The following VPS41 variants were observed in gnomAD, a reference collection of about 807,000 sequenced individuals.
VPS41 encodes the protein VPS41 subunit of HOPS complex, also known as vacuolar protein sorting-associated protein 41 homolog.
Under a neutral mutation model 130.9 loss-of-function variants are expected in VPS41, and 85 were observed. The observed-to-expected ratio is 0.65, with a 90% confidence interval of 0.55 to 0.78. The LOEUF (loss-of-function observed/expected upper bound fraction) is 0.78. VPS41 is among the 30% of genes least tolerant of loss of function. The probability of loss-of-function intolerance (pLI) is 0.00; values close to 1 mark genes in which losing one functional copy is unlikely to be tolerated. For missense variants in VPS41, 874 were observed against 1,018.7 expected, an observed-to-expected ratio of 0.86 and a Z score of 1.93; for synonymous variants, 335 against 332.9, an observed-to-expected ratio of 1.01 and a Z score of -0.07.
intron 25 of VPS41, among the ~76,000 whole-genome samples, chr7:38,737,053 G>C (rs1017428720): frequency 2.0e-5 from 3 of 152,104 alleles, no homozygotes; most frequent in African/African-American, 7.2e-5. Flanking sequence ...TTGGTAGCTG[G>C]GGAGAGAATT....
intron 27 of VPS41, chr7:38,728,226 T>A (rs892992278): frequency 1.1e-5 from 6 of 526,980 alleles, no homozygotes; most frequent in African/African-American, 1.9e-5. Flanking sequence ...TGGGAACTTG[T>A]TAGAAATATA....
Position 38,882,295 on chromosome 7 carries a change from G to A in VPS41, c.61-13042C>T, listed in dbSNP as rs117670878. 1.2e-3 allele frequency among the ~76,000 whole-genome samples: 177 copies of A among 152,186 alleles called. 1 individual carries two copies. In the East Asian group the frequency reaches 0.03, roughly 26 times the overall value. ...GACGGGATCCTCCCTTGGTTTCTGGGGCACCACTCTCTCCTGGTTCTTTTC... is the reference window on the plus strand; with the variant it reads ...GACGGGATCCTCCCTTGGTTTCTGGAGCACCACTCTCTCCTGGTTCTTTTC... On this transcript the variant is annotated intron_variant, in intron 2 of 28. Transcript: ENST00000310301.
At chr7:38,797,568 T>G (rs942494609) in intron 7 of VPS41, among the ~76,000 whole-genome samples, 4 of 152,262 alleles carry the variant, frequency 2.6e-5, no homozygotes, top group African/African-American at 9.6e-5. Context: ...TCTTGACATA[T>G]TCCATTTAAA....
chr7:38,863,101 G>A (rs541164630), intron 3 of VPS41, among the ~76,000 whole-genome samples: 4 of 152,168 alleles, frequency 2.6e-5, no homozygotes, highest in Admixed American at 1.3e-4. Flanking sequence ...TTGAGAGACC[G>A]AAAATCTCAG....
chr7:38,819,296 C>CAAGAT (rs1785120069), intron 6 of VPS41, among the ~76,000 whole-genome samples: 1 of 152,224 alleles, frequency 6.6e-6, no homozygotes, highest in Admixed American at 6.5e-5. Context: ...ATTATCTTCC[C>CAAGAT]TACCTAAGCT....
At chr7:38,831,996 G>T (rs1785395237) in intron 4 of VPS41, among the ~76,000 whole-genome samples, 1 of 151,548 alleles carries the variant, frequency 6.6e-6, no homozygotes. Flanking sequence ...CAATAGAAGG[G>T]TTTTTTTTCA....
At chr7:38,792,909 C>T (rs1323938389) in intron 9 of VPS41, among the ~76,000 whole-genome samples, 3 of 152,110 alleles carry the variant, frequency 2.0e-5, no homozygotes, top group Non-Finnish European at 4.4e-5. Flanking sequence ...AAAAGCACAC[C>T]AATCACACTC....
intron 10 of VPS41, among the ~76,000 whole-genome samples, chr7:38,781,952 T>C (rs1463205751): frequency 6.6e-6 from 1 of 152,244 alleles, no homozygotes; most frequent in Non-Finnish European, 1.5e-5. Flanking sequence ...TAAAACTTAT[T>C]ATGGATTTAA....
At chr7:38,788,744 T>C (rs1157716883) in intron 10 of VPS41, among the ~76,000 whole-genome samples, 2 of 152,148 alleles carry the variant, frequency 1.3e-5, no homozygotes, top group African/African-American at 2.4e-5. Flanking sequence ...CTACTGTCCA[T>C]ACACTAAGCA....
At chr7:38,754,253 C>T (rs1291563071) in intron 21 of VPS41, among the ~76,000 whole-genome samples, 3 of 152,178 alleles carry the variant, frequency 2.0e-5, no homozygotes, top group African/African-American at 7.2e-5. Flanking sequence ...CTGACATTTC[C>T]TTAGCAGGAG....
intron 25 of VPS41, among the ~76,000 whole-genome samples, chr7:38,729,268 C>G (rs1263643648): frequency 6.6e-6 from 1 of 152,130 alleles, no homozygotes; most frequent in Admixed American, 6.5e-5. Flanking sequence ...CAAATAAGTA[C>G]TGGGTCCCTA....
intron 10 of VPS41, among the ~76,000 whole-genome samples, chr7:38,785,430 T>C (rs545157789): frequency 6.6e-6 from 1 of 152,360 alleles, no homozygotes; most frequent in East Asian, 1.9e-4. Flanking sequence ...AAAAAACTGC[T>C]GAAAACAAAT....
chr7:38,763,654 G>A, intron 16 of VPS41, 107 bp from the exon 17 acceptor site: 1 of 650,662 alleles, frequency 1.5e-6, no homozygotes, highest in Non-Finnish European at 2.5e-6. Context: ...AAAATGTGAG[G>A]GAATACAGTA....
At chr7:38,889,200 T>A (rs1786804195) in intron 2 of VPS41, among the ~76,000 whole-genome samples, 2 of 148,416 alleles carry the variant, frequency 1.3e-5, no homozygotes, top group Admixed American at 6.7e-5. Flanking sequence ...GGAAAGAGAG[T>A]GGGATTGAAA....
intron 10 of VPS41, among the ~76,000 whole-genome samples, chr7:38,783,703 T>G (rs1027244771): frequency 6.6e-6 from 1 of 152,082 alleles, no homozygotes; most frequent in African/African-American, 2.4e-5. Flanking sequence ...AGAAATGGTG[T>G]GGATAACATG....
intron 22 of VPS41, among the ~76,000 whole-genome samples, chr7:38,749,389 C>T (rs1047264335): frequency 6.6e-6 from 1 of 152,262 alleles, no homozygotes; most frequent in Non-Finnish European, 1.5e-5. Flanking sequence ...GATATAGTGT[C>T]TTCCCAGTAA....
intron 4 of VPS41, among the ~76,000 whole-genome samples, chr7:38,857,620 C>T (rs1786013933): frequency 6.6e-6 from 1 of 152,176 alleles, no homozygotes; most frequent in Admixed American, 6.5e-5. Flanking sequence ...AAAGTAACTA[C>T]AGTCATGCAC....
intron 2 of VPS41, among the ~76,000 whole-genome samples, chr7:38,878,772 T>C (rs1289032605): frequency 1.3e-5 from 2 of 152,220 alleles, no homozygotes; most frequent in African/African-American, 2.4e-5. Context: ...AAAGGTTTCT[T>C]TACCGAAGAG....
chr7:38,895,792 C>T (rs937349202), intron 2 of VPS41, among the ~76,000 whole-genome samples: 25 of 152,250 alleles, frequency 1.6e-4, no homozygotes, highest in African/African-American at 5.5e-4. Flanking sequence ...TCACCTAAAG[C>T]CCTATACACT....
Sources: allele counts gnomAD v4.1 joint callset (sites outside exome capture counted in the v4.1 genomes callset), GRCh38; gene constraint gnomAD v4.1.1; transcripts MANE v1.5; gene names NCBI Gene and HGNC (gene_info 2026-07-23, HGNC 2026-07-21).